The following NALCN variants were observed in gnomAD, a reference collection of about 807,000 sequenced individuals.
NALCN encodes sodium leak channel, non-selective.
In NALCN, 111 loss-of-function variants were observed where a neutral mutation model predicts 225.3. That is an observed-to-expected ratio of 0.49 (90% confidence interval 0.42 to 0.58). The LOEUF is 0.58. Ranked by LOEUF, NALCN falls within the 20% of genes least tolerant of loss-of-function variation. The pLI, the probability that NALCN is intolerant of heterozygous loss-of-function variation, is 0.00. For missense variants in NALCN, 1,378 were observed against 2,202.4 expected (o/e 0.63, Z 7.49); for synonymous variants, 764 against 769.0 (o/e 0.99, Z 0.11).
At chr13:101,127,253 C>T (rs1359196202) in intron 17 of NALCN, among the ~76,000 whole-genome samples, 2 of 152,226 alleles carry the variant, frequency 1.3e-5, no homozygotes, top group Non-Finnish European at 2.9e-5. Flanking sequence ...AGTATTAATT[C>T]ATACAGGAGA....
chr13:101,272,422 G>A (rs1406803420), intron 10 of NALCN, among the ~76,000 whole-genome samples: 2 of 152,188 alleles, frequency 1.3e-5, no homozygotes, highest in Non-Finnish European at 2.9e-5. Context: ...GTACAATCAC[G>A]TATAATTCAG....
intron 4 of NALCN, among the ~76,000 whole-genome samples, chr13:101,378,360 G>A (rs868571242): frequency 2.6e-5 from 4 of 151,878 alleles, no homozygotes; most frequent in South Asian, 2.1e-4. Context: ...CAAGTATTAC[G>A]TATCAATTAA....
intron 13 of NALCN, among the ~76,000 whole-genome samples, chr13:101,221,636 T>C (rs949772073): frequency 2.0e-5 from 3 of 152,148 alleles, no homozygotes; most frequent in African/African-American, 7.2e-5. Context: ...GTTTACTCCT[T>C]TGCAGCCCCT....
chr13:101,394,201 C>A (rs1247944743), intron 3 of NALCN, among the ~76,000 whole-genome samples: 1 of 152,016 alleles, frequency 6.6e-6, no homozygotes, highest in Non-Finnish European at 1.5e-5. Flanking sequence ...TTAAAGTCCA[C>A]AATAAAAAGT....
intron 6 of NALCN, among the ~76,000 whole-genome samples, chr13:101,363,778 C>T (rs1276680920): frequency 6.6e-6 from 1 of 151,974 alleles, no homozygotes; most frequent in Non-Finnish European, 1.5e-5. Flanking sequence ...AGGAAACAAT[C>T]AACAAATTGA....
At chr13:101,060,099 T>A in intron 41 of NALCN, 132 bp from the exon 42 acceptor site, 1 of 1,032,408 alleles carries the variant, frequency 9.7e-7, no homozygotes, top group Non-Finnish European at 1.4e-6. Context: ...AATTTCCAAG[T>A]AAGGATCCTG....
intron 2 of NALCN, among the ~76,000 whole-genome samples, chr13:101,397,069 TATATATATATATATATATATATATA>T (rs2047318086): frequency 1.6e-5 from 1 of 61,696 alleles, no homozygotes; most frequent in Non-Finnish European, 4.1e-5. Context: ...GAATGTATTA[TATATATATATATATATATATATATA>T]TATATATATA....
intron 6 of NALCN, among the ~76,000 whole-genome samples, chr13:101,368,323 G>C (rs573708957): frequency 6.6e-6 from 1 of 152,156 alleles, no homozygotes; most frequent in African/African-American, 2.4e-5. Context: ...TCCCTACCAA[G>C]GACATGAACT....
At chr13:101,289,089 G>T (rs1389811812) in intron 9 of NALCN, among the ~76,000 whole-genome samples, 1 of 152,178 alleles carries the variant, frequency 6.6e-6, no homozygotes, top group Non-Finnish European at 1.5e-5. Flanking sequence ...CCCTATAGTG[G>T]ATTAACAAAG....
intron 31 of NALCN, 104 bp from the exon 32 acceptor site, chr13:101,083,302 C>A (rs1047303870): frequency 7.0e-5 from 68 of 972,562 alleles, no homozygotes; most frequent in Middle Eastern, 2.9e-4. Flanking sequence ...TTACATTTTT[C>A]TCCCCAAACA....
At chr13:101,142,266 C>T (rs141934881) in intron 17 of NALCN, among the ~76,000 whole-genome samples, 56 of 151,202 alleles carry the variant, frequency 3.7e-4, no homozygotes, top group Admixed American at 2.1e-3. Context: ...CTCAGCCTCC[C>T]GAGTAGCTGG....
chr13:101,291,058 C>T lies in NALCN; in HGVS notation c.1047+932G>A, dbSNP rs74117844. On this transcript the variant is annotated intron_variant, in intron 9 of 43. Coordinates refer to ENST00000251127, the MANE Select transcript of NALCN (RefSeq NM_052867.4). The stretch of plus-strand genomic sequence containing the variant: ...AATTGCCCTCTTTTGTAATAACTGC[C>T]CTGCTGCTTTTAGCAAATCTGTAGC... Among the ~76,000 whole-genome samples, 1,357 of 152,154 alleles carry T rather than the reference C, an allele frequency of 8.9e-3. 26 individuals are homozygous for T. Among genetic ancestry groups the T allele is most frequent in the African/African-American group, 0.031 (1,267 of 41,508 alleles).
chr13:101,372,341 A>C (rs1334177770), intron 6 of NALCN, among the ~76,000 whole-genome samples: 1 of 152,160 alleles, frequency 6.6e-6, no homozygotes, highest in African/African-American at 2.4e-5. Context: ...ATTATCAGCC[A>C]ACTTGACTTT....
chr13:101,092,743 T>C (rs1246844438), intron 28 of NALCN, among the ~76,000 whole-genome samples: 1 of 152,112 alleles, frequency 6.6e-6, no homozygotes, highest in Non-Finnish European at 1.5e-5. Flanking sequence ...CAGGCCCTTC[T>C]GAGATGTTGG....
chr13:101,272,191 CTG>C (rs1005833206), intron 10 of NALCN, among the ~76,000 whole-genome samples: 12 of 151,782 alleles, frequency 7.9e-5, no homozygotes, highest in Middle Eastern at 3.4e-3. Context: ...CACATGCATG[CTG>C]TGTTTTTGAC....
chr13:101,102,990 G>A (rs1193529204), intron 26 of NALCN, among the ~76,000 whole-genome samples, 182 bp downstream of exon 26: 1 of 152,134 alleles, frequency 6.6e-6, no homozygotes, highest in Non-Finnish European at 1.5e-5. Context: ...AAACTCATAC[G>A]CCAGAAGTGC....
At chr13:101,289,702 T>A (rs1308693096) in intron 9 of NALCN, among the ~76,000 whole-genome samples, 3 of 152,186 alleles carry the variant, frequency 2.0e-5, no homozygotes, top group Non-Finnish European at 4.4e-5. Flanking sequence ...GGCAAGAATG[T>A]ACTTCCATGT....
chr13:101,083,852 C>G, intron 30 of NALCN, 48 bp from the exon 31 acceptor site: 2 of 1,560,282 alleles, frequency 1.3e-6, no homozygotes, highest in South Asian at 1.1e-5. Flanking sequence ...CATGTGCTTG[C>G]ACCAAGAACA....
At chr13:101,216,735 TA>T (rs1253712751) in intron 13 of NALCN, among the ~76,000 whole-genome samples, 1 of 152,122 alleles carries the variant, frequency 6.6e-6, no homozygotes, top group Non-Finnish European at 1.5e-5. Flanking sequence ...GTAATTCCTT[TA>T]ATACAACTAA....
Sources: allele counts gnomAD v4.1 joint callset (sites outside exome capture counted in the v4.1 genomes callset), GRCh38; gene constraint gnomAD v4.1.1; transcripts MANE v1.5; gene names NCBI Gene and HGNC (gene_info 2026-07-23, HGNC 2026-07-21).